Variants in NUP160 observed in about 807,000 individuals in gnomAD.
NUP160 encodes the protein nucleoporin 160, also known as nuclear pore complex protein Nup160.
In NUP160, 94 loss-of-function variants were observed where a neutral mutation model predicts 196.9. The observed-to-expected ratio is 0.48, with a 90% CI of 0.40 to 0.57. The LOEUF (loss-of-function observed/expected upper bound fraction) is 0.57. Among genes scored for constraint, NUP160 ranks in the 20% least tolerant of loss-of-function variants. The pLI is 0.00. For synonymous variants in NUP160, 605 were observed against 619.7 expected, an observed-to-expected ratio of 0.98 and a Z score of 0.35; for missense variants, 1,638 against 1,748.3, an observed-to-expected ratio of 0.94 and a Z score of 1.13.
chr11:47,799,148 T>G (rs944291667), intron 23 of NUP160, among the ~76,000 whole-genome samples: 1 of 151,122 alleles, frequency 6.6e-6, no homozygotes, highest in African/African-American at 2.4e-5. Flanking sequence ...CACAATGGTG[T>G]GATCTCGGCT....
chr11:47,805,551 TCTC>T (rs1377110963), intron 20 of NUP160, among the ~76,000 whole-genome samples: 2 of 150,126 alleles, frequency 1.3e-5, no homozygotes, highest in African/African-American at 4.9e-5. Context: ...TTCATGCCAT[TCTC>T]CTGCCTCAGC....
In NUP160 at chr11:47,806,033, C is replaced by T. The variant is rs963021104; in HGVS notation, c.2606+120G>A. ...TTCACCATGTTGGCCAGGCTGGTCTCGAACTTCTGGCCATAAGTGATAAAC... is the reference window on the plus strand; with the variant it reads ...TTCACCATGTTGGCCAGGCTGGTCTTGAACTTCTGGCCATAAGTGATAAAC... On this transcript the variant is annotated intron_variant, in intron 20 of 35. Coordinates refer to ENST00000378460, the Ensembl canonical transcript of NUP160. 69 of 880,622 alleles carry T rather than the reference C, an allele frequency of 7.8e-5. No individual in the cohort carries two copies. The East Asian group carries it at 1.3e-3, about 17-fold the overall frequency. The allele number at this position is 880,622 out of a possible 1,614,324, so 54.6% of individuals were successfully genotyped here.
In NUP160 at chr11:47,806,050, G is replaced by A. The variant is rs1174212188; in HGVS notation, c.2606+103C>T. 15 of 1,062,950 alleles carry A rather than the reference G, an allele frequency of 1.4e-5. No individual in the cohort carries two copies. In the South Asian group the frequency reaches 1.5e-4, roughly 11 times the overall value. The allele number at this position is 1,062,950 out of a possible 1,614,324, so 65.8% of individuals were successfully genotyped here. A position where few individuals can be genotyped will look rare whatever the true frequency, so the allele number is the denominator to read the frequency against. ...GCTGGTCTCGAACTTCTGGCCATAAGTGATAAACCTGCCTCCACCTCCCAA... is the reference window on the plus strand; with the variant it reads ...GCTGGTCTCGAACTTCTGGCCATAAATGATAAACCTGCCTCCACCTCCCAA... On this transcript the variant is annotated intron_variant, in intron 20 of 35. Coordinates refer to ENST00000378460, the Ensembl canonical transcript of NUP160.
chr11:47,801,524 AT>A (rs1331536859), intron 23 of NUP160, among the ~76,000 whole-genome samples: 1 of 151,932 alleles, frequency 6.6e-6, no homozygotes, highest in Non-Finnish European at 1.5e-5. Flanking sequence ...TAATTTTTGT[AT>A]TTTTAGTAGA....
intron 2 of NUP160, among the ~76,000 whole-genome samples, chr11:47,843,698 T>G (rs1852348624): frequency 6.6e-6 from 1 of 152,234 alleles, no homozygotes; most frequent in Non-Finnish European, 1.5e-5. Flanking sequence ...TAACACCCTA[T>G]AGCATACAGG....
chr11:47,816,104 T>C (rs1177642586), intron 11 of NUP160, 75 bp from the exon 12 acceptor site: 24 of 982,950 alleles, frequency 2.4e-5, no homozygotes, highest in Admixed American at 3.8e-5. Flanking sequence ...TTAGAAGACA[T>C]AGAGGCAATA....
At chr11:47,797,651 A>G in intron 27 of NUP160, 128 bp downstream of exon 27, 1 of 660,936 alleles carries the variant, frequency 1.5e-6, no homozygotes, top group African/African-American at 1.8e-5. Context: ...TAATCTTCAC[A>G]AGGTTTAAGC....
chr11:47,825,731 G>A (rs977749531), intron 7 of NUP160, among the ~76,000 whole-genome samples: 1 of 152,022 alleles, frequency 6.6e-6, no homozygotes, highest in African/African-American at 2.4e-5. Flanking sequence ...GGGATTACAG[G>A]CATGAGCCAT....
At chr11:47,793,942 C>T (rs1353195896) in intron 27 of NUP160, among the ~76,000 whole-genome samples, 1 of 151,644 alleles carries the variant, frequency 6.6e-6, no homozygotes, top group African/African-American at 2.4e-5. Context: ...AAAATTCTGA[C>T]GCCACTACAA....
chr11:47,841,531 C>T (rs1209899575), intron 2 of NUP160: 2 of 426,412 alleles, frequency 4.7e-6, no homozygotes, highest in Non-Finnish European at 9.3e-6. Flanking sequence ...CATGGTCCAA[C>T]ATGTGAGCTG....
chr11:47,797,890 G>C lies in NUP160; in HGVS notation c.3184-6C>G. The C allele has an allele frequency of 6.2e-7, 1 of 1,605,570 alleles. No individual in the cohort carries two copies. The highest frequency in any genetic ancestry group is 8.5e-7 in the Non-Finnish European group (1 of 1,173,882). On this transcript the variant is annotated splice_polypyrimidine_tract_variant and splice_region_variant and intron_variant, in intron 26 of 35. Transcript: ENST00000378460. ...GACTCAATTATTCCCACAACCTAGG[G>C]AAGGGGAAGCAATCAGATAACTAAG...
rs183809282 is a variant in NUP160 at position 47,830,284 on chromosome 11, T to C, written c.1101+5367A>G. ...GTGGGACTGTAAATTACTTCAACCATTGTGGAAAGCAGTGTGGTGATTCCT... is the reference window on the plus strand; with the variant it reads ...GTGGGACTGTAAATTACTTCAACCACTGTGGAAAGCAGTGTGGTGATTCCT... On this transcript the variant is annotated intron_variant, in intron 7 of 35. Transcript: ENST00000378460. Among the ~76,000 whole-genome samples, 99 of 152,282 alleles carry C rather than the reference T, an allele frequency of 6.5e-4. 1 individual carries two copies. In the East Asian group the frequency reaches 0.014, roughly 22 times the overall value.
intron 31 of NUP160, among the ~76,000 whole-genome samples, 194 bp from the exon 32 acceptor site, chr11:47,786,748 C>T (rs997792532): frequency 1.7e-4 from 26 of 152,116 alleles, no homozygotes; most frequent in African/African-American, 4.8e-4. Context: ...CATTAAGAGA[C>T]AATTTACTTC....
chr11:47,835,945 G>T, intron 6 of NUP160, 136 bp from the exon 7 acceptor site: 1 of 702,846 alleles, frequency 1.4e-6, no homozygotes, highest in Non-Finnish European at 2.2e-6. Context: ...ACAGGTTTTT[G>T]TTTCAAAAGG....
At chr11:47,786,221 G>A (rs190107686) in intron 32 of NUP160, among the ~76,000 whole-genome samples, 1 of 152,314 alleles carries the variant, frequency 6.6e-6, no homozygotes, top group Admixed American at 6.5e-5. Context: ...GAAACAGTAA[G>A]TCTTTGAGGA....
chr11:47,807,784 T>C (rs547494378), intron 18 of NUP160, among the ~76,000 whole-genome samples: 10 of 152,354 alleles, frequency 6.6e-5, no homozygotes, highest in African/African-American at 1.9e-4. Context: ...GGTTTCATCG[T>C]ATTTTATATT....
At chr11:47,847,365 A>C (rs1237209555) in intron 2 of NUP160, among the ~76,000 whole-genome samples, 1 of 152,092 alleles carries the variant, frequency 6.6e-6, no homozygotes, top group Non-Finnish European at 1.5e-5. Flanking sequence ...CCTCTAGGGC[A>C]AGTTTTCCTC....
chr11:47,798,520 T>C lies in NUP160; in HGVS notation c.2896-57A>G, dbSNP rs917835747. On this transcript the variant is annotated intron_variant, in intron 23 of 35. Transcript: ENST00000378460. ...ATTAATATTGTAATGTACTTCAAAC[T>C]CAATTATGGTTTAAAATTATTGAGA... 9 of 956,828 alleles carry C rather than the reference T, an allele frequency of 9.4e-6. No individual in the cohort carries two copies. The African/African-American group carries it at 1.5e-4, about 16-fold the overall frequency. The allele number at this position is 956,828 out of a possible 1,614,324, so 59.3% of individuals were successfully genotyped here. A position where few individuals can be genotyped will look rare whatever the true frequency, so the allele number is the denominator to read the frequency against.
chr11:47,780,669 T>C (rs1326490255), intron 34 of NUP160, among the ~76,000 whole-genome samples: 4 of 151,828 alleles, frequency 2.6e-5, no homozygotes, highest in Non-Finnish European at 5.9e-5. Flanking sequence ...CTTGAGTAGC[T>C]GGACTACAGA....
Sources: gnomAD v4.1 joint callset for allele counts (sites outside exome capture counted in the v4.1 genomes callset) on GRCh38, gnomAD v4.1.1 for gene constraint, MANE v1.5 for transcripts, NCBI Gene and HGNC (gene_info 2026-07-23, HGNC 2026-07-21) for gene names.